Variants in FCRL5 observed in about 807,000 individuals in gnomAD.
FCRL5 encodes the protein Fc receptor-like protein 5.
FCRL5 carries 79 observed loss-of-function variants against 92.1 expected under a neutral mutation model. The ratio of observed to expected loss-of-function variants is 0.86; its 90% CI spans 0.72 to 1.03. FCRL5 has a LOEUF of 1.03. FCRL5 is among the 50% of genes least tolerant of loss of function. The pLI, the probability that FCRL5 is intolerant of heterozygous loss-of-function variation, is 0.00. For synonymous variants in FCRL5, 466 were observed against 469.3 expected (o/e 0.99, Z 0.09); for missense variants, 1,160 against 1,181.1 (o/e 0.98, Z 0.26).
rs551209735 is a variant in FCRL5 at position 157,513,390 on chromosome 1, G to C, written c.*2285C>G. The C allele has an allele frequency of 6.6e-6, 1 of 152,136 alleles. No homozygotes were observed. The highest frequency in any genetic ancestry group is 1.5e-5 in the Non-Finnish European group (1 of 68,044). The allele number at this position is 152,136 out of a possible 1,614,324, so 9.4% of individuals were successfully genotyped here. A position where few individuals can be genotyped will look rare whatever the true frequency, so the allele number is the denominator to read the frequency against. On this transcript the variant is annotated 3_prime_UTR_variant, in exon 17 of 17. Transcript: ENST00000361835. ...CACATGCACACATACAGAAAGATTG[G>C]TTTATTAGAATGAATTAGCTCTTGT...
Position 157,524,438 on chromosome 1 carries a change from A to G in FCRL5, c.2080T>C (p.Tyr694His). 2 of 1,614,248 alleles carry G rather than the reference A, an allele frequency of 1.2e-6. No homozygotes were observed. Among genetic ancestry groups the G allele is most frequent in the Non-Finnish European group, 1.7e-6 (2 of 1,180,040 alleles). The stretch of plus-strand genomic sequence containing the variant: ...TTACCCAGGGTGACATCTTCATGAT[A>G]AAACCAGTACAGGATTGGGGAGGAG... ...RGSSPILYWF[Y>H]HEDVTLGKIS... The change falls in exon 10 of 17, where the codon TAT (tyrosine) becomes CAT (histidine). Residue 694 changes from tyrosine (Y) to histidine (H), a missense_variant. Coordinates refer to ENST00000361835, the MANE Select transcript of FCRL5 (RefSeq NM_031281.3).
At chr1:157,545,175 G>A (rs985927444) in intron 3 of FCRL5, 93 bp from the exon 4 acceptor site, 1 of 1,410,908 alleles carries the variant, frequency 7.1e-7, no homozygotes, top group East Asian at 2.4e-5. Context: ...TAAAAAAATG[G>A]GTTGGGAAAA....
chr1:157,527,945 A>G (rs1237859149), intron 8 of FCRL5, 50 bp from the exon 9 acceptor site: 2 of 1,499,762 alleles, frequency 1.3e-6, no homozygotes, highest in African/African-American at 2.8e-5. Flanking sequence ...AATTAGAAAC[A>G]GCTCTTTGTC....
chr1:157,520,837 C>T (rs139957598), intron 11 of FCRL5, among the ~76,000 whole-genome samples, 180 bp downstream of exon 11: 1 of 152,238 alleles, frequency 6.6e-6, no homozygotes, highest in Non-Finnish European at 1.5e-5. Context: ...CCAACCCGCG[C>T]TCTCAGCCCC....
At chr1:157,526,498 A>G (rs1650434780) in intron 9 of FCRL5, among the ~76,000 whole-genome samples, 1 of 152,192 alleles carries the variant, frequency 6.6e-6, no homozygotes, top group South Asian at 2.1e-4. Flanking sequence ...GTTACGTGCC[A>G]GTGCAAAGGA....
chr1:157,518,683 G>A lies in FCRL5; in HGVS notation c.2743+17C>T. 1.2e-6 allele frequency: 2 copies of A among 1,603,498 alleles called. No homozygotes were observed. Among genetic ancestry groups the A allele is most frequent in the Non-Finnish European group, 1.7e-6 (2 of 1,175,022 alleles). On this transcript the variant is annotated intron_variant, in intron 14 of 16. Coordinates refer to ENST00000361835, the MANE Select transcript of FCRL5 (RefSeq NM_031281.3). The stretch of plus-strand genomic sequence containing the variant: ...AGCCCTCCAGCTTCTGCCAAATGCA[G>A]GATCCTCGGGCCTCACCATTAGTGT...
At chr1:157,546,329 T>C (rs1651533700) in intron 3 of FCRL5, 1 of 425,102 alleles carries the variant, frequency 2.4e-6, no homozygotes, top group Non-Finnish European at 4.6e-6. Flanking sequence ...GCTCTTGTAG[T>C]CCTACTTACT....
intron 9 of FCRL5, among the ~76,000 whole-genome samples, chr1:157,525,476 G>A (rs1158497662): frequency 6.6e-6 from 1 of 152,150 alleles, no homozygotes; most frequent in Non-Finnish European, 1.5e-5. Context: ...AGCCATGAAA[G>A]GATTTTGATC....
chr1:157,515,462 T>TA lies in FCRL5; in HGVS notation c.*212dup. On this transcript the variant is annotated 3_prime_UTR_variant, in exon 17 of 17. Transcript: ENST00000361835. ...GAGTGGGAGCACCTTGCCACTGGAT[T>TA]AAAAAACCTGCCAGTCAGGGCTTTA... The TA allele has an allele frequency of 9.9e-7, 1 of 1,005,878 alleles. No individual in the cohort carries two copies. Among genetic ancestry groups the TA allele is most frequent in the Non-Finnish European group, 1.4e-6 (1 of 702,070 alleles). The allele number at this position is 1,005,878 out of a possible 1,614,324, so 62.3% of individuals were successfully genotyped here.
chr1:157,527,737 A>C lies in FCRL5; in HGVS notation c.1840T>G (p.Ser614Ala). 6.2e-7 allele frequency: 1 copy of C among 1,614,170 alleles called. No homozygotes were observed. The highest frequency in any genetic ancestry group is 8.5e-7 in the Non-Finnish European group (1 of 1,180,024). The change falls in exon 9 of 17, where the codon TCT becomes GCT. Residue 614 changes from serine (S) to alanine (A), a missense_variant. Transcript: ENST00000361835. ...AGGTTGAAAGAAGCTTCTCCTCCAG[A>C]GGGGGCTGAGCTGCTCCCCAGGGTG... ...DVTLGSSSAP[S>A]GGEASFNLSL...
intron 3 of FCRL5, chr1:157,546,134 A>G (rs1651523616): frequency 1.0e-5 from 3 of 287,412 alleles, no homozygotes; most frequent in Non-Finnish European, 1.4e-5. Flanking sequence ...TATTATTCCA[A>G]GTAAATAATG....
chr1:157,540,697 T>C (rs1220299201), intron 6 of FCRL5, among the ~76,000 whole-genome samples: 1 of 152,220 alleles, frequency 6.6e-6, no homozygotes, highest in African/African-American at 2.4e-5. Context: ...CCATTACAAC[T>C]TGGTTTTAAT....
Position 157,520,492 on chromosome 1 carries a change from G to A in FCRL5, c.2571C>T (p.Leu857=), listed in dbSNP as rs1454838765. The A allele has an allele frequency of 6.3e-7, 1 of 1,575,740 alleles. No individual in the cohort carries two copies. The highest frequency in any genetic ancestry group is 2.4e-5 in the East Asian group (1 of 42,474). Residue 857 remains leucine (L), a synonymous_variant, in exon 12 of 17, where the codon CTC becomes CTT. Transcript: ENST00000361835. ...PFATGVAGGL[L]SIAGLAAGAL... is the part of the protein sequence containing the mutation. ...CCCCCGCAGCAAGGCCTGCTATGCT[G>A]AGCAGGCCCCCGGCGACTCCTGTGG... is the stretch of plus-strand genomic sequence containing the variant.
At chr1:157,539,989 A>T (rs1266783662) in intron 6 of FCRL5, among the ~76,000 whole-genome samples, 3 of 152,240 alleles carry the variant, frequency 2.0e-5, no homozygotes, top group Admixed American at 2.0e-4. Flanking sequence ...GAAGGCAGGG[A>T]GCTGAATCTG....
intron 7 of FCRL5, among the ~76,000 whole-genome samples, chr1:157,535,151 A>G (rs1482341932): frequency 1.3e-5 from 2 of 152,070 alleles, no homozygotes; most frequent in Non-Finnish European, 2.9e-5. Context: ...CTTTTTGCAG[A>G]GGAGATGATG....
At chr1:157,547,405 A>G (rs779361198) in intron 2 of FCRL5, 8 of 755,240 alleles carry the variant, frequency 1.1e-5, no homozygotes, top group South Asian at 2.8e-5. Context: ...AATGAGCAAA[A>G]TGATTTCAGG....
intron 3 of FCRL5, 77 bp from the exon 4 acceptor site, chr1:157,545,159 T>G: frequency 6.6e-7 from 1 of 1,504,466 alleles, no homozygotes; most frequent in Non-Finnish European, 8.9e-7. Flanking sequence ...CAAGTAGATT[T>G]TATTTTAAAA....
chr1:157,518,487 T>G lies in FCRL5; in HGVS notation c.2754A>C (p.Arg918Ser). The G allele has an allele frequency of 6.2e-7, 1 of 1,614,126 alleles. No individual in the cohort carries two copies. Among genetic ancestry groups the G allele is most frequent in the Admixed American group, 1.7e-5 (1 of 60,030 alleles). ...LQPVYTNANP[R>S]GENVVYSEVR... ...CTTCTGAGTAAACCACATTTTCTCC[T>G]CTAGGATTTGCTTAGAAAAAAGTTG... The change falls in exon 15 of 17, where the codon AGA (arginine) becomes AGC (serine). Residue 918 changes from arginine (R) to serine (S), a missense_variant. Arg to Ser is a moderately radical substitution (Grantham distance 110, BLOSUM62 -1). Transcript: ENST00000361835.
chr1:157,539,737 A>C (rs375494295), intron 6 of FCRL5, among the ~76,000 whole-genome samples: 1 of 152,352 alleles, frequency 6.6e-6, no homozygotes, highest in South Asian at 2.1e-4. Context: ...AGACAAATGC[A>C]TATCTGATTA....
Sources: allele counts gnomAD v4.1 joint callset (sites outside exome capture counted in the v4.1 genomes callset), GRCh38; gene constraint gnomAD v4.1.1; transcripts MANE v1.5; gene names NCBI Gene and HGNC (gene_info 2026-07-23, HGNC 2026-07-21).